The following CACNA2D3 variants were observed in gnomAD, a reference collection of about 807,000 sequenced individuals.
CACNA2D3 encodes the protein calcium voltage-gated channel auxiliary subunit alpha2delta 3.
Under a neutral mutation model 160.6 loss-of-function variants are expected in CACNA2D3, and 60 were observed. That is an observed-to-expected ratio of 0.37 (90% CI 0.30 to 0.46). The LOEUF is 0.46. Among genes scored for constraint, CACNA2D3 ranks in the 20% least tolerant of loss-of-function variants. CACNA2D3 has a pLI of 1.00. For missense variants in CACNA2D3, 1,205 were observed against 1,365.0 expected (o/e 0.88, Z 1.85); for synonymous variants, 558 against 492.9 (o/e 1.13, Z -1.75).
At chr3:54,375,978 T>C (rs986026550) in intron 3 of CACNA2D3, among the ~76,000 whole-genome samples, 3 of 152,214 alleles carry the variant, frequency 2.0e-5, no homozygotes, top group African/African-American at 7.2e-5. Context: ...GCAAGTGGTC[T>C]CTCTGCCTCA....
chr3:54,682,350 G>A (rs971065902), intron 11 of CACNA2D3, among the ~76,000 whole-genome samples: 11 of 152,186 alleles, frequency 7.2e-5, no homozygotes, highest in African/African-American at 2.4e-4. Flanking sequence ...AATTAGCCCG[G>A]GCGTGGTGGC....
intron 5 of CACNA2D3, among the ~76,000 whole-genome samples, chr3:54,536,438 A>C (rs1701889954): frequency 6.6e-6 from 1 of 152,260 alleles, no homozygotes; most frequent in Non-Finnish European, 1.5e-5. Context: ...GAGAGGGAGC[A>C]GGACAATCTC....
intron 4 of CACNA2D3, among the ~76,000 whole-genome samples, chr3:54,393,786 G>A (rs1223343014): frequency 2.6e-5 from 4 of 152,228 alleles, no homozygotes; most frequent in South Asian, 2.1e-4. Context: ...GAAACAGGGC[G>A]TTGGTTGAGC....
intron 26 of CACNA2D3, 33 bp downstream of exon 26, chr3:54,896,903 G>T (rs1700203290): frequency 6.2e-7 from 1 of 1,613,428 alleles, no homozygotes; most frequent in Admixed American, 1.7e-5. Flanking sequence ...GGCTCTGTCT[G>T]TCTGGTCCAG....
chr3:54,735,923 G>A lies in CACNA2D3; in HGVS notation c.1168-16676G>A, dbSNP rs147017320. On this transcript the variant is annotated intron_variant, in intron 11 of 37. Coordinates refer to ENST00000474759, the MANE Select transcript of CACNA2D3 (RefSeq NM_018398.3). ...CAGGGATCACTTGTTATCCACCCTC[G>A]AGAGATTATGGTACTAGACACTTTT... Among the ~76,000 whole-genome samples the A allele has an allele frequency of 5.5e-4, 81 of 146,908 alleles. No individual in the cohort carries two copies. In the East Asian group the frequency reaches 0.011, roughly 20 times the overall value.
intron 11 of CACNA2D3, among the ~76,000 whole-genome samples, chr3:54,700,588 A>G (rs948730301): frequency 6.6e-6 from 1 of 152,230 alleles, no homozygotes; most frequent in African/African-American, 2.4e-5. Context: ...GACAGTCAAG[A>G]TGCCAAGTTT....
chr3:54,689,280 G>A (rs114680338), intron 11 of CACNA2D3, among the ~76,000 whole-genome samples: 1 of 152,018 alleles, frequency 6.6e-6, no homozygotes, highest in African/African-American at 2.4e-5. Flanking sequence ...TTTGGTTCCC[G>A]CTCAGTTCTT....
At position 54,757,318 on chromosome 3, in the gene CACNA2D3, C is replaced by T. The variant is rs912679748; in HGVS notation, c.1246+4641C>T. On this transcript the variant is annotated intron_variant, in intron 12 of 37. Coordinates refer to ENST00000474759, the MANE Select transcript of CACNA2D3 (RefSeq NM_018398.3). ...TCGTCTGCTTAGCTTACCCCTTTTC[C>T]ATGGGCTAAAGGTCATTCTCTCCTT... 3.3e-5 allele frequency among the ~76,000 whole-genome samples: 5 copies of T among 152,152 alleles called. No individual in the cohort carries two copies. The East Asian group carries it at 7.7e-4, about 23-fold the overall frequency.
chr3:54,623,021 T>A (rs1575388296), intron 9 of CACNA2D3, among the ~76,000 whole-genome samples: 1 of 152,192 alleles, frequency 6.6e-6, no homozygotes, highest in Admixed American at 6.5e-5. Flanking sequence ...GGGGAAGCTT[T>A]CACGAGGTAT....
chr3:54,485,058 G>A (rs1195315130), intron 4 of CACNA2D3, among the ~76,000 whole-genome samples: 1 of 151,972 alleles, frequency 6.6e-6, no homozygotes, highest in Non-Finnish European at 1.5e-5. Flanking sequence ...TGTTGGCCAG[G>A]CTGGTCTCGA....
chr3:54,725,489 A>G (rs1188007058), intron 11 of CACNA2D3, among the ~76,000 whole-genome samples: 1 of 152,236 alleles, frequency 6.6e-6, no homozygotes, highest in Non-Finnish European at 1.5e-5. Context: ...AATATTGCTC[A>G]TTAACATTGA....
At chr3:54,799,245 C>G (rs896595092) in intron 13 of CACNA2D3, among the ~76,000 whole-genome samples, 2 of 152,096 alleles carry the variant, frequency 1.3e-5, no homozygotes, top group African/African-American at 2.4e-5. Flanking sequence ...TATTATAGAC[C>G]AGGTCTGTGG....
intron 4 of CACNA2D3, among the ~76,000 whole-genome samples, chr3:54,435,949 A>G (rs961477962): frequency 1.3e-5 from 2 of 152,164 alleles, no homozygotes; most frequent in Admixed American, 6.5e-5. Context: ...TTAAGAAAAA[A>G]CCTCACGGGT....
chr3:54,294,275 G>A (rs1703280418), intron 2 of CACNA2D3, among the ~76,000 whole-genome samples: 1 of 152,138 alleles, frequency 6.6e-6, no homozygotes, highest in South Asian at 2.1e-4. Context: ...CTTGCCCAAG[G>A]ATCAAGGAAA....
At chr3:54,304,971 C>A (rs1361809868) in intron 2 of CACNA2D3, among the ~76,000 whole-genome samples, 2 of 151,872 alleles carry the variant, frequency 1.3e-5, no homozygotes, top group African/African-American at 2.4e-5. Flanking sequence ...TAATTTGCAT[C>A]TGTATTTAGC....
At chr3:54,822,765 TCTTTCTTTCTTTCTTTCTTTCTTTC>T (rs1703642799) in intron 14 of CACNA2D3, among the ~76,000 whole-genome samples, 1 of 87,772 alleles carries the variant, frequency 1.1e-5, no homozygotes, top group African/African-American at 4.7e-5. Flanking sequence ...TTTCTTTCTT[TCTTTCTTTCTTTCTTTCTTTCTTTC>T]CTTTCTTTCT....
chr3:54,330,094 G>C (rs542443593), intron 3 of CACNA2D3, among the ~76,000 whole-genome samples: 5 of 152,146 alleles, frequency 3.3e-5, no homozygotes, highest in African/African-American at 9.7e-5. Context: ...AATCAGCTGG[G>C]ATATCATTTA....
chr3:54,795,478 G>A (rs1348419151), intron 13 of CACNA2D3, among the ~76,000 whole-genome samples: 3 of 152,024 alleles, frequency 2.0e-5, no homozygotes, highest in Non-Finnish European at 4.4e-5. Context: ...TGTGATGGTG[G>A]GCATTATGTT....
intron 26 of CACNA2D3, among the ~76,000 whole-genome samples, chr3:54,899,065 A>G (rs1056511081): frequency 6.6e-6 from 1 of 152,218 alleles, no homozygotes; most frequent in African/African-American, 2.4e-5. Context: ...TCTCAATTCA[A>G]TTGGATTTCA....
Sources: gnomAD v4.1 joint callset for allele counts (sites outside exome capture counted in the v4.1 genomes callset) on GRCh38, gnomAD v4.1.1 for gene constraint, MANE v1.5 for transcripts, NCBI Gene and HGNC (gene_info 2026-07-23, HGNC 2026-07-21) for gene names.